WDPCP: variants seen among roughly 807,000 people sequenced by gnomAD.
The protein encoded by WDPCP is WD repeat-containing and planar cell polarity effector protein fritz homolog.
A neutral mutation model predicts 93.1 loss-of-function variants in WDPCP; 71 were observed. The observed-to-expected ratio is 0.76, with a 90% CI of 0.63 to 0.93. The LOEUF is 0.93. Among genes scored for constraint, WDPCP ranks in the 40% least tolerant of loss-of-function variants. The pLI is 0.00. For synonymous variants in WDPCP, 315 were observed against 315.0 expected (o/e 1.00, Z 0.00); for missense variants, 844 against 887.4 (o/e 0.95, Z 0.62).
In WDPCP at chr2:63,259,452, C is replaced by T. The variant is rs368568664; in HGVS notation, c.1813-43G>A. On this transcript the variant is annotated intron_variant, in intron 13 of 17. Transcript: ENST00000272321. ...AATAAAAGATTGATTCAAAATGAAC[C>T]TTGCCCAAGTTACAAGGAGGATTTT... 89 of 1,501,908 alleles carry T rather than the reference C, an allele frequency of 5.9e-5. 1 individual carries two copies. The African/African-American group carries it at 7.3e-4, about 12-fold the overall frequency. The allele number at this position is 1,501,908 out of a possible 1,614,324, so 93.0% of individuals were successfully genotyped here.
chr2:63,779,438 G>A (rs1050503505), intron 2 of WDPCP, among the ~76,000 whole-genome samples: 2 of 152,164 alleles, frequency 1.3e-5, no homozygotes, highest in African/African-American at 2.4e-5. Flanking sequence ...AGTACTTGGG[G>A]TAATTATATT....
intron 10 of WDPCP, among the ~76,000 whole-genome samples, chr2:63,398,384 T>C (rs114225489): frequency 0.014 from 2,172 of 152,320 alleles, 32 homozygotes; most frequent in Non-Finnish European, 0.021. Flanking sequence ...AGATTCTGAA[T>C]ACATATTGCT....
At position 63,437,559 on chromosome 2, in the gene WDPCP, A is replaced by C; in HGVS notation, c.500-5T>G. ...TAAAACTGTCTGTGAGAAGAGCTAA[A>C]AAACATAATTAGATATTACCAAGTT... On this transcript the variant is annotated splice_polypyrimidine_tract_variant and splice_region_variant and intron_variant, in intron 7 of 17. Coordinates refer to ENST00000272321, the MANE Select transcript of WDPCP (RefSeq NM_015910.7). The C allele has an allele frequency of 6.3e-7, 1 of 1,581,418 alleles. No homozygotes were observed. Among genetic ancestry groups the C allele is most frequent in the Non-Finnish European group, 8.6e-7 (1 of 1,162,888 alleles).
chr2:63,474,449 T>C (rs758128205), intron 6 of WDPCP, among the ~76,000 whole-genome samples: 6 of 152,130 alleles, frequency 3.9e-5, no homozygotes, highest in Non-Finnish European at 7.4e-5. Context: ...AACAATAGAA[T>C]TGCCCTCCAA....
rs1045362005 is a variant in WDPCP at position 63,444,033 on chromosome 2, C to T, written c.385-4162G>A. Reference sequence around the variant, plus strand: ...TGTGTCTGAACTTCATGGGGGACTACAGAGGTATATCTGGGAGTCATCAAC... The same window carrying T: ...TGTGTCTGAACTTCATGGGGGACTATAGAGGTATATCTGGGAGTCATCAAC... On this transcript the variant is annotated intron_variant, in intron 6 of 17. Transcript: ENST00000272321. 2.6e-5 allele frequency among the ~76,000 whole-genome samples: 4 copies of T among 152,160 alleles called. 1 individual carries two copies. The highest frequency in any genetic ancestry group is 2.6e-4 in the Admixed American group (4 of 15,270).
intron 2 of WDPCP, among the ~76,000 whole-genome samples, chr2:63,730,643 A>G (rs1278237470): frequency 6.6e-6 from 1 of 151,692 alleles, no homozygotes; most frequent in Non-Finnish European, 1.5e-5. Flanking sequence ...TTTTTATTTT[A>G]CTGTCTTCTT....
chr2:63,790,211 G>A (rs1415650193), intron 2 of WDPCP, among the ~76,000 whole-genome samples: 1 of 152,156 alleles, frequency 6.6e-6, no homozygotes, highest in Non-Finnish European at 1.5e-5. Context: ...GGAGAGATGG[G>A]GTAGCCAGTC....
At chr2:63,734,870 TAGAC>T (rs10586648) in intron 2 of WDPCP, among the ~76,000 whole-genome samples, 10,136 of 141,402 alleles carry the variant, frequency 0.072, 361 homozygotes, top group Admixed American at 0.092. Flanking sequence ...GATAGATAGA[TAGAC>T]AGACAGACAG....
At chr2:63,197,568 T>C (rs1675542794) in intron 14 of WDPCP, among the ~76,000 whole-genome samples, 1 of 152,246 alleles carries the variant, frequency 6.6e-6, no homozygotes, top group Non-Finnish European at 1.5e-5. Context: ...CCTATTGAAG[T>C]ACATCCTGTA....
At chr2:63,736,586 T>C (rs1669643058) in intron 2 of WDPCP, among the ~76,000 whole-genome samples, 1 of 152,188 alleles carries the variant, frequency 6.6e-6, no homozygotes, top group Admixed American at 6.5e-5. Flanking sequence ...ATCTGCAGCC[T>C]ATAGGCATTG....
rs190735725 is a variant in WDPCP, at chr2:63,424,977, T to C, written c.825+8768A>G. On this transcript the variant is annotated intron_variant, in intron 9 of 17. Coordinates refer to ENST00000272321, the MANE Select transcript of WDPCP (RefSeq NM_015910.7). ...AATGTGCTGAAATACAAGAGCCACG[T>C]GGCTAAGAACTTATCTGCCAGTCAT... Among the ~76,000 whole-genome samples, 4 of 152,308 alleles carry C rather than the reference T, an allele frequency of 2.6e-5. No homozygotes were observed. In the East Asian group the frequency reaches 7.7e-4, roughly 29 times the overall value.
intron 2 of WDPCP, among the ~76,000 whole-genome samples, chr2:63,682,111 C>T (rs1334750938): frequency 6.6e-6 from 1 of 152,338 alleles, no homozygotes; most frequent in East Asian, 1.9e-4. Flanking sequence ...AAATACCTAA[C>T]TCTTCAAACA....
At chr2:63,633,084 A>G (rs111589948) in intron 3 of WDPCP, among the ~76,000 whole-genome samples, 1,997 of 152,296 alleles carry the variant, frequency 0.013, 47 homozygotes, top group African/African-American at 0.044. Context: ...CAAAGTCCTG[A>G]AAGAAAAAAA....
intron 2 of WDPCP, among the ~76,000 whole-genome samples, chr2:63,680,259 A>G (rs896464316): frequency 1.3e-5 from 2 of 152,248 alleles, no homozygotes; most frequent in African/African-American, 4.8e-5. Flanking sequence ...TAAATAGCTG[A>G]AAGTTAACTT....
At chr2:63,485,071 A>C in intron 4 of WDPCP, 84 bp from the exon 5 acceptor site, 1 of 1,392,320 alleles carries the variant, frequency 7.2e-7, no homozygotes, top group Non-Finnish European at 1.0e-6. Context: ...AGGGAGATTA[A>C]AATAAAACAC....
At chr2:63,338,754 C>T (rs1227132370) in intron 12 of WDPCP, among the ~76,000 whole-genome samples, 1 of 150,836 alleles carries the variant, frequency 6.6e-6, no homozygotes, top group African/African-American at 2.4e-5. Flanking sequence ...GTTTTTATAC[C>T]AGTGCTATGC....
intron 13 of WDPCP, among the ~76,000 whole-genome samples, chr2:63,276,225 G>C (rs1233565030): frequency 1.3e-5 from 2 of 152,160 alleles, no homozygotes; most frequent in African/African-American, 4.8e-5. Context: ...AAAAGAATCT[G>C]AATAGCAGTC....
At chr2:63,211,714 AC>A (rs1261704376) in intron 14 of WDPCP, among the ~76,000 whole-genome samples, 2 of 152,108 alleles carry the variant, frequency 1.3e-5, no homozygotes, top group Non-Finnish European at 2.9e-5. Context: ...GAAGCTAAAA[AC>A]CTTGAAAAAA....
chr2:63,564,505 TG>T (rs1706873826), intron 1 of WDPCP: 1 of 152,164 alleles, frequency 6.6e-6, no homozygotes, highest in Non-Finnish European at 1.5e-5. Context: ...TCAATGTCTG[TG>T]GGGAACCTCC....
Sources: allele counts gnomAD v4.1 joint callset (sites outside exome capture counted in the v4.1 genomes callset), GRCh38; gene constraint gnomAD v4.1.1; transcripts MANE v1.5; gene names NCBI Gene and HGNC (gene_info 2026-07-23, HGNC 2026-07-21).